Variants in CRY2 observed in about 807,000 individuals in gnomAD.
CRY2 encodes the protein cryptochrome-2.
A neutral mutation model predicts 69.5 loss-of-function variants in CRY2; 31 were observed. The ratio of observed to expected loss-of-function variants is 0.45; its 90% CI spans 0.34 to 0.60. The LOEUF (loss-of-function observed/expected upper bound fraction) is 0.60. Ranked by LOEUF, CRY2 falls within the 20% of genes least tolerant of loss-of-function variation. CRY2 has a pLI of 0.02. For synonymous variants in CRY2, 303 were observed against 312.2 expected (o/e 0.97, Z 0.31); for missense variants, 606 against 797.8 (o/e 0.76, Z 2.90).
chr11:45,867,793 C>T (rs758980284), intron 6 of CRY2, 41 bp downstream of exon 6: 6 of 1,612,184 alleles, frequency 3.7e-6, no homozygotes, highest in East Asian at 2.2e-5. Context: ...CTAAGGCCTG[C>T]AGCCAGGCCT....
intron 5 of CRY2, among the ~76,000 whole-genome samples, chr11:45,864,626 G>A (rs1412369991): frequency 6.6e-6 from 1 of 151,892 alleles, no homozygotes; most frequent in Non-Finnish European, 1.5e-5. Context: ...CCAGCACTTT[G>A]GGAGGCCGAG....
intron 1 of CRY2, among the ~76,000 whole-genome samples, chr11:45,854,372 G>A (rs541612832): frequency 7.2e-5 from 11 of 152,312 alleles, no homozygotes; most frequent in African/African-American, 1.9e-4. Context: ...GAGTTGGTGT[G>A]CAACTAGAAA....
chr11:45,880,763 C>G (rs1468061832), intron 11 of CRY2, among the ~76,000 whole-genome samples, 151 bp from the exon 12 acceptor site: 4 of 152,192 alleles, frequency 2.6e-5, no homozygotes, highest in Non-Finnish European at 5.9e-5. Flanking sequence ...AACAACCTGT[C>G]CCCAGGTACC....
At chr11:45,855,959 C>G (rs1460932957) in intron 1 of CRY2, 23 bp from the exon 2 acceptor site, 4 of 1,579,750 alleles carry the variant, frequency 2.5e-6, no homozygotes, top group Admixed American at 1.7e-5. Flanking sequence ...TTATCACTAA[C>G]AAGGCCTGTG....
chr11:45,858,522 G>T, intron 2 of CRY2: 2 of 562,166 alleles, frequency 3.6e-6, no homozygotes, highest in South Asian at 2.4e-5. Flanking sequence ...TTGCTGTGCT[G>T]TTGGCTTCGC....
rs1399658246 is a variant in CRY2 at position 45,847,544 on chromosome 11, C to A, written c.54C>A (p.Gly18=). The change falls in exon 1 of 12, where the codon GGC becomes GGA. Residue 18 remains glycine, a synonymous_variant. Coordinates refer to ENST00000616080, the MANE Select transcript of CRY2 (RefSeq NM_021117.5). The part of the protein sequence containing the change: ...AAAVAPAPAP[G]TDSASSVHWF... ...CTGTGGCCCCGGCGCCAGCGCCCGG[C>A]ACGGACAGCGCCTCTTCGGTGCACT... 1.3e-6 allele frequency: 2 copies of A among 1,588,752 alleles called. No homozygotes were observed. Among genetic ancestry groups the A allele is most frequent in the Non-Finnish European group, 1.7e-6 (2 of 1,171,446 alleles).
intron 9 of CRY2, 147 bp downstream of exon 9, chr11:45,870,679 C>A: frequency 2.7e-6 from 3 of 1,116,970 alleles, no homozygotes; most frequent in Non-Finnish European, 3.9e-6. Flanking sequence ...ACACTGCAGG[C>A]TGGGATGAAC....
At chr11:45,860,701 C>G in intron 3 of CRY2, 147 bp from the exon 4 acceptor site, 1 of 821,254 alleles carries the variant, frequency 1.2e-6, no homozygotes, top group Non-Finnish European at 1.9e-6. Context: ...CTCCCTTGCC[C>G]CCTCCTTTCC....
At chr11:45,879,847 TC>T (rs1210906409) in intron 11 of CRY2, among the ~76,000 whole-genome samples, 5 of 152,240 alleles carry the variant, frequency 3.3e-5, no homozygotes, top group African/African-American at 1.2e-4. Context: ...AGGGTTGGCT[TC>T]TTTTCTTCTG....
Position 45,855,981 on chromosome 11 carries a change from G to A in CRY2, c.216-1G>A. The A allele has an allele frequency of 6.2e-7, 1 of 1,613,432 alleles. No homozygotes were observed. Among genetic ancestry groups the A allele is most frequent in the Non-Finnish European group, 8.5e-7 (1 of 1,179,370 alleles). The stretch of plus-strand genomic sequence containing the variant: ...TAACAAGGCCTGTGTGGACTCCACA[G>A]GTTCCTACTTCAGTCTCTGGAAGAT... On this transcript the variant is annotated splice_acceptor_variant, in intron 1 of 11. Coordinates refer to ENST00000616080, the MANE Select transcript of CRY2 (RefSeq NM_021117.5). LOFTEE classifies it high-confidence loss of function.
At chr11:45,877,976 T>G (rs1410910813) in intron 11 of CRY2, among the ~76,000 whole-genome samples, 2 of 152,186 alleles carry the variant, frequency 1.3e-5, no homozygotes, top group Non-Finnish European at 2.9e-5. Flanking sequence ...CTTATCTGAG[T>G]CCAGGACACT....
rs1458531997 is a variant in CRY2 at position 45,847,595 on chromosome 11, C to T, written c.105C>T (p.His35=). ...VHWFRKGLRL[H]DNPALLAAVR... is the part of the protein sequence containing the mutation. ...GGTTCCGCAAAGGGCTGCGACTCCA[C>T]GACAACCCGGCGTTGCTGGCGGCCG... Residue 35 remains histidine (H), a synonymous_variant, in exon 1 of 12, where the codon CAC becomes CAT. Transcript: ENST00000616080. 6.2e-7 allele frequency: 1 copy of T among 1,605,462 alleles called. No individual in the cohort carries two copies. Among genetic ancestry groups the T allele is most frequent in the East Asian group, 2.2e-5 (1 of 44,612 alleles).
At chr11:45,847,248 G>T (rs777585756), upstream of CRY2, 36 of 1,551,324 alleles carry the variant, frequency 2.3e-5, 1 homozygote, top group South Asian at 4.0e-4. Context: ...TCACTTGTCC[G>T]CATGCCAGCT....
At chr11:45,858,946 T>C (rs963633461) in intron 3 of CRY2, 73 bp downstream of exon 3, 2 of 1,553,280 alleles carry the variant, frequency 1.3e-6, no homozygotes, top group African/African-American at 2.7e-5. Context: ...TGAGCGGAAC[T>C]CAGAGAGGTT....
intron 10 of CRY2, among the ~76,000 whole-genome samples, chr11:45,871,702 A>G (rs2086385031): frequency 6.6e-6 from 1 of 152,244 alleles, no homozygotes; most frequent in Non-Finnish European, 1.5e-5. Flanking sequence ...TAGTTGGCCC[A>G]GCTAGGCTGC....
Position 45,858,878 on chromosome 11 carries a change from G to A in CRY2, c.467+5G>A, listed in dbSNP as rs1188566724. 6.2e-7 allele frequency: 1 copy of A among 1,612,526 alleles called. No homozygotes were observed. The highest frequency in any genetic ancestry group is 1.7e-5 in the Admixed American group (1 of 59,646). On this transcript the variant is annotated splice_donor_5th_base_variant and intron_variant, in intron 3 of 11. Transcript: ENST00000616080. Reference sequence around the variant, plus strand: ...TACCCTCTATGACCTGGACAGGTAAGAGATGGGGCCCAGGGATCAGGTTAC... The same window carrying A: ...TACCCTCTATGACCTGGACAGGTAAAAGATGGGGCCCAGGGATCAGGTTAC...
intron 6 of CRY2, among the ~76,000 whole-genome samples, chr11:45,868,524 G>T (rs2086349750): frequency 6.6e-6 from 1 of 152,028 alleles, no homozygotes; most frequent in Admixed American, 6.6e-5. Flanking sequence ...TTGCTATGTT[G>T]CCCAGGCTGG....
At chr11:45,871,708 G>T (rs1397240448) in intron 10 of CRY2, among the ~76,000 whole-genome samples, 2 of 152,218 alleles carry the variant, frequency 1.3e-5, no homozygotes, top group Admixed American at 1.3e-4. Context: ...GCCCAGCTAG[G>T]CTGCCTCCAT....
intron 5 of CRY2, among the ~76,000 whole-genome samples, chr11:45,866,548 G>A (rs2086332113): frequency 6.6e-6 from 1 of 152,230 alleles, no homozygotes; most frequent in African/African-American, 2.4e-5. Flanking sequence ...GAAAGTGCCT[G>A]CAGGACTCAG....
Sources: allele counts gnomAD v4.1 joint callset (sites outside exome capture counted in the v4.1 genomes callset), GRCh38; gene constraint gnomAD v4.1.1; transcripts MANE v1.5; gene names NCBI Gene and HGNC (gene_info 2026-07-23, HGNC 2026-07-21).